Variants in GULP1 observed in about 807,000 individuals in gnomAD.
GULP1 encodes GULP PTB domain containing engulfment adaptor 1, also known as PTB domain-containing engulfment adapter protein 1.
GULP1 carries 19 observed loss-of-function variants against 40.9 expected under a neutral mutation model. That is an observed-to-expected ratio of 0.46 (90% CI 0.32 to 0.68). The LOEUF is 0.68. Among genes scored for constraint, GULP1 ranks in the 30% least tolerant of loss-of-function variants. The probability of loss-of-function intolerance (pLI) is 0.03; values close to 1 mark genes in which losing one functional copy is unlikely to be tolerated. For synonymous variants in GULP1, 119 were observed against 117.6 expected (o/e 1.01, Z -0.08); for missense variants, 312 against 362.2 (o/e 0.86, Z 1.12).
chr2:188,336,540 A>C (rs552103564), intron 1 of GULP1, among the ~76,000 whole-genome samples: 1 of 152,356 alleles, frequency 6.6e-6, no homozygotes, highest in East Asian at 1.9e-4. Flanking sequence ...AAATAAAATC[A>C]TGTAGTGATT....
At chr2:188,404,211 T>G (rs1463243749) in intron 2 of GULP1, among the ~76,000 whole-genome samples, 1 of 152,112 alleles carries the variant, frequency 6.6e-6, no homozygotes, top group African/African-American at 2.4e-5. Flanking sequence ...AATTCATAAT[T>G]ATAAAGACTG....
intron 7 of GULP1, among the ~76,000 whole-genome samples, chr2:188,545,268 A>G (rs1376140029): frequency 1.3e-5 from 2 of 151,870 alleles, no homozygotes; most frequent in Non-Finnish European, 2.9e-5. Context: ...ACAATACAAA[A>G]TGGGAACTTG....
chr2:188,431,148 C>A (rs375352553), intron 2 of GULP1, among the ~76,000 whole-genome samples: 1 of 152,108 alleles, frequency 6.6e-6, no homozygotes, highest in Non-Finnish European at 1.5e-5. Flanking sequence ...TTTCAGCAAA[C>A]CTTCAGAGGG....
At chr2:188,424,743 A>T (rs1000982978) in intron 2 of GULP1, among the ~76,000 whole-genome samples, 2 of 151,786 alleles carry the variant, frequency 1.3e-5, no homozygotes, top group African/African-American at 2.4e-5. Flanking sequence ...TAGTCTCTTT[A>T]ATCAATAAGT....
At chr2:188,524,153 T>G (rs184921314) in intron 5 of GULP1, among the ~76,000 whole-genome samples, 13 of 152,302 alleles carry the variant, frequency 8.5e-5, no homozygotes, top group Admixed American at 2.0e-4. Flanking sequence ...AACAATGTTA[T>G]TTACACATAG....
chr2:188,324,073 T>C (rs952676320), intron 1 of GULP1, among the ~76,000 whole-genome samples: 1 of 152,092 alleles, frequency 6.6e-6, no homozygotes, highest in East Asian at 1.9e-4. Context: ...TAGCAAAATT[T>C]AGTGCTAGAT....
chr2:188,300,854 C>T (rs1293409990), intron 1 of GULP1, among the ~76,000 whole-genome samples: 1 of 152,138 alleles, frequency 6.6e-6, no homozygotes, highest in Non-Finnish European at 1.5e-5. Flanking sequence ...TAGTTTTGTA[C>T]TTGAAAATTG....
intron 2 of GULP1, among the ~76,000 whole-genome samples, chr2:188,458,567 A>G (rs2059452455): frequency 6.6e-6 from 1 of 152,076 alleles, no homozygotes; most frequent in Non-Finnish European, 1.5e-5. Context: ...TAGTAAGTGT[A>G]TATATTTATG....
At chr2:188,433,742 CAA>C (rs545829267) in intron 2 of GULP1, among the ~76,000 whole-genome samples, 37 of 152,184 alleles carry the variant, frequency 2.4e-4, no homozygotes, top group African/African-American at 7.7e-4. Flanking sequence ...GTCAAATATT[CAA>C]AGAGGTTTTT....
intron 1 of GULP1, among the ~76,000 whole-genome samples, chr2:188,358,932 G>T (rs962646753): frequency 4.1e-4 from 62 of 152,162 alleles, no homozygotes; most frequent in South Asian, 6.2e-4. Flanking sequence ...TCTTAAATAT[G>T]TAGTTGAAAT....
intron 9 of GULP1, chr2:188,582,410 A>C (rs1021376659): frequency 3.4e-5 from 16 of 471,522 alleles, no homozygotes; most frequent in Non-Finnish European, 6.6e-5. Context: ...CTGGCGTAGT[A>C]ATGGTGATTC....
At chr2:188,346,799 C>T (rs923958616) in intron 1 of GULP1, among the ~76,000 whole-genome samples, 1 of 151,726 alleles carries the variant, frequency 6.6e-6, no homozygotes, top group African/African-American at 2.4e-5. Context: ...GGTGAAACCC[C>T]GTCTCAACTA....
intron 7 of GULP1, among the ~76,000 whole-genome samples, chr2:188,554,398 C>T (rs1285496793): frequency 6.6e-6 from 1 of 151,730 alleles, no homozygotes; most frequent in Non-Finnish European, 1.5e-5. Flanking sequence ...CTTTGTCAAC[C>T]CAAAGGTCAT....
chr2:188,577,962 GA>G (rs550216666), intron 9 of GULP1, among the ~76,000 whole-genome samples: 35 of 151,544 alleles, frequency 2.3e-4, no homozygotes, highest in African/African-American at 7.0e-4. Flanking sequence ...TTTTTAACTA[GA>G]AAAAATTGAT....
chr2:188,484,037 C>T (rs1472719926), intron 4 of GULP1, among the ~76,000 whole-genome samples: 1 of 152,074 alleles, frequency 6.6e-6, no homozygotes, highest in Admixed American at 6.6e-5. Context: ...GATTCTCCCA[C>T]TTCAGCCTCT....
intron 2 of GULP1, among the ~76,000 whole-genome samples, chr2:188,429,869 C>A (rs1004415374): frequency 6.6e-6 from 1 of 151,680 alleles, no homozygotes; most frequent in African/African-American, 2.4e-5. Context: ...TGCCACCATG[C>A]CCGGCTAATT....
chr2:188,562,057 A>G (rs1159093728), intron 7 of GULP1, among the ~76,000 whole-genome samples: 1 of 152,134 alleles, frequency 6.6e-6, no homozygotes, highest in Non-Finnish European at 1.5e-5. Flanking sequence ...GCAACAGCCC[A>G]AGTTTCCCTA....
chr2:188,433,356 T>C (rs2057089912), intron 2 of GULP1, among the ~76,000 whole-genome samples: 1 of 152,172 alleles, frequency 6.6e-6, no homozygotes, highest in Non-Finnish European at 1.5e-5. Context: ...AAGCTCAGTC[T>C]GTCATTTGTT....
At chr2:188,571,743 C>A (rs964618751) in intron 9 of GULP1, among the ~76,000 whole-genome samples, 2 of 152,116 alleles carry the variant, frequency 1.3e-5, no homozygotes, top group Admixed American at 6.6e-5. Flanking sequence ...TATTGTAAGC[C>A]ATGTTGCGAA....
Sources: allele counts gnomAD v4.1 joint callset (sites outside exome capture counted in the v4.1 genomes callset), GRCh38; gene constraint gnomAD v4.1.1; transcripts MANE v1.5; gene names NCBI Gene and HGNC (gene_info 2026-07-23, HGNC 2026-07-21).